The following LONP2 variants were observed in gnomAD, a reference collection of about 807,000 sequenced individuals.
LONP2 encodes lon protease homolog 2, peroxisomal.
A neutral mutation model predicts 85.6 loss-of-function variants in LONP2; 60 were observed. The ratio of observed to expected loss-of-function variants is 0.70; its 90% confidence interval spans 0.57 to 0.87. The LOEUF (loss-of-function observed/expected upper bound fraction) is 0.87. Ranked by LOEUF, LONP2 falls within the 40% of genes least tolerant of loss-of-function variation. LONP2 has a pLI of 0.00. For synonymous variants in LONP2, 395 were observed against 389.7 expected, an observed-to-expected ratio of 1.01 and a Z score of -0.16; for missense variants, 860 against 1,063.5, an observed-to-expected ratio of 0.81 and a Z score of 2.66.
At chr16:48,328,475 C>T (rs867739924) in intron 11 of LONP2, among the ~76,000 whole-genome samples, 2 of 151,648 alleles carry the variant, frequency 1.3e-5, no homozygotes, top group Non-Finnish European at 2.9e-5. Flanking sequence ...ATCAGGAGTT[C>T]GAGACTAGCC....
Position 48,312,170 on chromosome 16 carries a change from T to C in LONP2, c.1795+8865T>C, listed in dbSNP as rs957667595. Among the ~76,000 whole-genome samples, 3 of 152,108 alleles carry C rather than the reference T, an allele frequency of 2.0e-5. 1 individual carries two copies. The South Asian group carries it at 6.2e-4, about 32-fold the overall frequency. ...GTTGGCCAGGCAGGTCTTGAACTCC[T>C]GGCCTCAAGTGATCCATCCACCTTG... On this transcript the variant is annotated intron_variant, in intron 11 of 14. Transcript: ENST00000285737.
intron 12 of LONP2, among the ~76,000 whole-genome samples, chr16:48,342,505 A>G (rs1033727404): frequency 1.3e-5 from 2 of 152,218 alleles, no homozygotes; most frequent in South Asian, 4.1e-4. Flanking sequence ...GTCTGGTCCA[A>G]GGCCCCAACA....
chr16:48,361,782 T>C, downstream of LONP2: 1 of 1,614,224 alleles, frequency 6.2e-7, no homozygotes, highest in Non-Finnish European at 8.5e-7. Flanking sequence ...TTCAGCTTGC[T>C]TGCGTGTTCC....
In LONP2 at chr16:48,249,123, C is replaced by T. The variant is rs117218857; in HGVS notation, c.234-3008C>T. On this transcript the variant is annotated intron_variant, in intron 1 of 14. Coordinates refer to ENST00000285737, the MANE Select transcript of LONP2 (RefSeq NM_031490.5). ...TTGAATGAAAACAATATTTTACAAA[C>T]TCTGAGGGTAGATTCGAGTTAGGAT... Among the ~76,000 whole-genome samples, 227 of 152,270 alleles carry T rather than the reference C, an allele frequency of 1.5e-3. 4 individuals are homozygous for T. In the East Asian group the frequency reaches 0.035, roughly 23 times the overall value.
chr16:48,262,591 T>G (rs1036132460), intron 5 of LONP2, among the ~76,000 whole-genome samples, 187 bp from the exon 6 acceptor site: 7 of 152,174 alleles, frequency 4.6e-5, no homozygotes, highest in African/African-American at 1.7e-4. Flanking sequence ...GGGAGAGAGA[T>G]AGGAGTGGTG....
At chr16:48,290,049 A>G (rs534288740) in intron 8 of LONP2, among the ~76,000 whole-genome samples, 24 of 152,290 alleles carry the variant, frequency 1.6e-4, no homozygotes, top group Admixed American at 8.5e-4. Context: ...TTTTCAATCT[A>G]TAGTGTCAAG....
chr16:48,285,205 C>T (rs1241384036), intron 8 of LONP2, among the ~76,000 whole-genome samples: 1 of 151,992 alleles, frequency 6.6e-6, no homozygotes, highest in African/African-American at 2.4e-5. Flanking sequence ...GTGAAGCCAG[C>T]TGTTAAGCTT....
At chr16:48,341,503 G>A (rs1959807247) in intron 12 of LONP2, among the ~76,000 whole-genome samples, 1 of 148,342 alleles carries the variant, frequency 6.7e-6, no homozygotes, top group South Asian at 2.1e-4. Flanking sequence ...TTGCGAGGAC[G>A]ACAGTACCAA....
chr16:48,358,736 A>G (rs1454242352), downstream of LONP2, among the ~76,000 whole-genome samples: 1 of 152,218 alleles, frequency 6.6e-6, no homozygotes, highest in Admixed American at 6.5e-5. Context: ...TGGGAGGATC[A>G]CTTGAGCCCA....
At chr16:48,344,076 C>T (rs983422023) in intron 12 of LONP2, 13 of 152,184 alleles carry the variant, frequency 8.5e-5, no homozygotes, top group African/African-American at 3.1e-4. Flanking sequence ...TGTTGAGTCA[C>T]TTATTTGCTA....
intron 12 of LONP2, among the ~76,000 whole-genome samples, chr16:48,339,043 C>A (rs1369400637): frequency 2.0e-5 from 3 of 151,956 alleles, no homozygotes; most frequent in Non-Finnish European, 4.4e-5. Context: ...TATTTAGAGC[C>A]CCAGATATTG....
At chr16:48,267,917 C>A (rs1274662534) in intron 6 of LONP2, among the ~76,000 whole-genome samples, 5 of 151,994 alleles carry the variant, frequency 3.3e-5, no homozygotes, top group African/African-American at 1.2e-4. Flanking sequence ...AGCCTGGCCC[C>A]CCATTCATAA....
At chr16:48,341,321 T>A (rs2151029151) in intron 12 of LONP2, among the ~76,000 whole-genome samples, 1 of 151,758 alleles carries the variant, frequency 6.6e-6, no homozygotes, top group East Asian at 1.9e-4. Flanking sequence ...AATAAATAAA[T>A]AAATAAATAG....
intron 8 of LONP2, among the ~76,000 whole-genome samples, chr16:48,285,783 T>G (rs1294119753): frequency 6.6e-6 from 1 of 152,236 alleles, no homozygotes; most frequent in East Asian, 1.9e-4. Context: ...TTTAGTTTTT[T>G]TAAATGTTAG....
In LONP2 at chr16:48,252,247, A is replaced by C. The variant is rs200318773; in HGVS notation, c.350A>C (p.Lys117Thr). 3.2e-4 allele frequency: 514 copies of C among 1,614,200 alleles called. 4 individuals are homozygous for C. In the South Asian group the frequency reaches 5.4e-3, roughly 17 times the overall value. The change falls in exon 2 of 15, where the codon AAG (lysine) becomes ACG (threonine). Residue 117 changes from lysine (K) to threonine (T), a missense_variant. By Grantham distance (78) the Lys-to-Thr change is moderately conservative. Around this residue, in one of 3 missense-constraint regions of LONP2, gnomAD observed 743 missense variants for 917.3 expected, o/e 0.81. Transcript: ENST00000285737. ...RFQIVQVLKE[K>T]PYPIAEVEQL... Reference sequence around the variant, plus strand: ...CAGATTGTACAGGTCTTAAAAGAGAAGCCATATCCCATTGCTGAAGTGGAG... The same window carrying C: ...CAGATTGTACAGGTCTTAAAAGAGACGCCATATCCCATTGCTGAAGTGGAG...
At position 48,353,496 on chromosome 16, in the gene LONP2, CAAAA is replaced by C. The variant is rs11331502; in HGVS notation, c.*1712_*1715del. On this transcript the variant is annotated 3_prime_UTR_variant, in exon 15 of 15. Coordinates refer to ENST00000285737, the MANE Select transcript of LONP2 (RefSeq NM_031490.5). ...TGGGCGACAGAGTGAGACCCTGTCT[CAAAA>C]AAAAAAAAAAAAAAAAAGATTGGGC... 2.5e-4 allele frequency: 17 copies of C among 67,068 alleles called. No individual in the cohort carries two copies. The highest frequency in any genetic ancestry group is 3.1e-4 in the Non-Finnish European group (10 of 32,570). The allele number at this position is 67,068 out of a possible 1,614,324, so 4.2% of individuals were successfully genotyped here.
rs1245487661 is a variant in LONP2 at position 48,244,377 on chromosome 16, A to C, written c.-12A>C. The C allele has an allele frequency of 3.9e-6, 6 of 1,527,236 alleles. No individual in the cohort carries two copies. Among genetic ancestry groups the C allele is most frequent in the Non-Finnish European group, 5.3e-6 (6 of 1,139,854 alleles). The allele number at this position is 1,527,236 out of a possible 1,614,324, so 94.6% of individuals were successfully genotyped here. On this transcript the variant is annotated 5_prime_UTR_variant, in exon 1 of 15. Coordinates refer to ENST00000285737, the MANE Select transcript of LONP2 (RefSeq NM_031490.5). ...CTCTTTTTGACAGCCCCCAGTGCGAAAGGCTGCCAGCATGTCATCAGTGAG... is the reference window on the plus strand; with the variant it reads ...CTCTTTTTGACAGCCCCCAGTGCGACAGGCTGCCAGCATGTCATCAGTGAG...
intron 12 of LONP2, chr16:48,345,179 C>A (rs991504453): frequency 6.6e-6 from 1 of 152,230 alleles, no homozygotes; most frequent in Non-Finnish European, 1.5e-5. Context: ...GAGATCATGC[C>A]TCTGCACTCC....
chr16:48,284,890 C>T (rs999017952), intron 8 of LONP2, among the ~76,000 whole-genome samples: 2 of 152,158 alleles, frequency 1.3e-5, no homozygotes, highest in African/African-American at 4.8e-5. Context: ...TCTTTTAAAT[C>T]AGATAAGAAA....
Sources: allele counts gnomAD v4.1 joint callset (sites outside exome capture counted in the v4.1 genomes callset), GRCh38; gene constraint gnomAD v4.1.1; regional missense constraint gnomAD v4.1.1; transcripts MANE v1.5; gene names NCBI Gene and HGNC (gene_info 2026-07-23, HGNC 2026-07-21).